MYO7B: variants seen among roughly 807,000 people sequenced by gnomAD.
The protein encoded by MYO7B is myosin VIIB.
Under a neutral mutation model 259.7 loss-of-function variants are expected in MYO7B, and 212 were observed. That is an observed-to-expected ratio of 0.82 (90% CI 0.73 to 0.91). The LOEUF (loss-of-function observed/expected upper bound fraction) is 0.91. MYO7B is among the 40% of genes least tolerant of loss of function. The pLI is 0.00. For synonymous variants in MYO7B, 1,197 were observed against 1,166.4 expected, an observed-to-expected ratio of 1.03 and a Z score of -0.54; for missense variants, 2,732 against 2,813.5, an observed-to-expected ratio of 0.97 and a Z score of 0.66.
In MYO7B at chr2:127,571,442, G is replaced by GTTTTTTTTTTGTTTTTTTTTTTTTTTTT. The variant is rs1553448471; in HGVS notation, c.592+1542_592+1543insGTTTTTTTTTTTTTTTTTTTTTTTTTTT. ...AATTGGTCTATTTCCTTACCAGTGA[G>GTTTTTTTTTTGTTTTTTTTTTTTTTTTT]TTTTTTTTTTTTTTTTTGCTTGTTT... is the stretch of plus-strand genomic sequence containing the variant. On this transcript the variant is annotated intron_variant, in intron 6 of 47. Coordinates refer to ENST00000409816, the MANE Select transcript of MYO7B (RefSeq NM_001393586.1). Among the ~76,000 whole-genome samples, 32 of 41,944 alleles carry GTTTTTTTTTTGTTTTTTTTTTTTTTTTT rather than the reference G, an allele frequency of 7.6e-4. 2 individuals are homozygous for GTTTTTTTTTTGTTTTTTTTTTTTTTTTT. Among genetic ancestry groups the GTTTTTTTTTTGTTTTTTTTTTTTTTTTT allele is most frequent in the Non-Finnish European group, 9.1e-4 (20 of 21,886 alleles). 27.5% of individuals were successfully genotyped at this position (41,944 alleles called of 152,430 possible).
intron 24 of MYO7B, among the ~76,000 whole-genome samples, chr2:127,610,453 T>A (rs543827881): frequency 6.6e-6 from 1 of 152,336 alleles, no homozygotes; most frequent in Non-Finnish European, 1.5e-5. Flanking sequence ...TGAAATGACC[T>A]GCCCCCAGTT....
At chr2:127,538,577 T>C (rs1692881827) in intron 1 of MYO7B, among the ~76,000 whole-genome samples, 1 of 151,962 alleles carries the variant, frequency 6.6e-6, no homozygotes, top group Non-Finnish European at 1.5e-5. Flanking sequence ...TTTCTTTTTT[T>C]TTTTTTGAGA....
chr2:127,625,247 G>C (rs1054570263), intron 30 of MYO7B, 121 bp from the exon 31 acceptor site: 2 of 1,206,248 alleles, frequency 1.7e-6, no homozygotes, highest in East Asian at 2.8e-5. Context: ...GGTCCTGCCC[G>C]AGCCACAGGT....
intron 38 of MYO7B, 52 bp from the exon 39 acceptor site, chr2:127,632,194 T>G: frequency 6.4e-7 from 1 of 1,570,412 alleles, no homozygotes; most frequent in Non-Finnish European, 8.6e-7. Context: ...GGTGCCTGCC[T>G]GGCCAGGGCC....
Position 127,636,253 on chromosome 2 carries a change from G to A in MYO7B, c.6052G>A (p.Glu2018Lys). 1 of 1,613,644 alleles carries A rather than the reference G, an allele frequency of 6.2e-7. No homozygotes were observed. Among genetic ancestry groups the A allele is most frequent in the Non-Finnish European group, 8.5e-7 (1 of 1,179,824 alleles). ...YDKHKDKTVEEAKVAFLKWIC... is the reference protein window; with the variant it reads ...YDKHKDKTVEKAKVAFLKWIC... ...CAAGCATAAGGACAAGACAGTGGAGGAGGCCAAGGTGGCCTTCCTGAAGTG... is the reference window on the plus strand; with the variant it reads ...CAAGCATAAGGACAAGACAGTGGAGAAGGCCAAGGTGGCCTTCCTGAAGTG... Residue 2018 changes from glutamate (E) to lysine (K), a missense_variant, in exon 45 of 48, where the codon GAG (glutamate) becomes AAG (lysine). Glu to Lys is a moderately conservative substitution (Grantham distance 56, BLOSUM62 1). Coordinates refer to ENST00000409816, the MANE Select transcript of MYO7B (RefSeq NM_001393586.1). This position sits in a 1 kb window ranked among gnomAD's most constrained non-coding sequence, Gnocchi z 4.5.
In MYO7B at chr2:127,584,744, G is replaced by C. The variant is rs771180428; in HGVS notation, c.1555-34G>C. 9.9e-6 allele frequency: 16 copies of C among 1,611,566 alleles called. 1 individual carries two copies. The South Asian group carries it at 1.8e-4, about 18-fold the overall frequency. On this transcript the variant is annotated intron_variant, in intron 13 of 47. Transcript: ENST00000409816. This position sits in a 1 kb window ranked among gnomAD's most constrained non-coding sequence, Gnocchi z 5.8. ...TCACCTCCCCATGGCTGGACTCTGG[G>C]ACCTCAGCCCACAGGGTGTCTGGGT... is the stretch of plus-strand genomic sequence containing the variant.
At chr2:127,601,977 C>T (rs1175617116) in intron 19 of MYO7B, among the ~76,000 whole-genome samples, 2 of 152,126 alleles carry the variant, frequency 1.3e-5, no homozygotes, top group Non-Finnish European at 2.9e-5. Flanking sequence ...TGTATTTAGG[C>T]CTTTTACATT....
rs371672192 is a variant in MYO7B, at chr2:127,559,803, C to T, written c.18+63C>T. On this transcript the variant is annotated intron_variant, in intron 2 of 47. Transcript: ENST00000409816. The surrounding 1 kb of genome is among the most constrained non-coding windows in gnomAD (Gnocchi z 4.1). Reference sequence around the variant, plus strand: ...TAAGTTACTCAAGGCCAAGTTGAATCGCTCCCAAGGAAAGAGAGGAAAGGC... The same window carrying T: ...TAAGTTACTCAAGGCCAAGTTGAATTGCTCCCAAGGAAAGAGAGGAAAGGC... 43 of 1,577,804 alleles carry T rather than the reference C, an allele frequency of 2.7e-5. No individual in the cohort carries two copies. Among genetic ancestry groups the T allele is most frequent in the Middle Eastern group, 1.7e-4 (1 of 6,012 alleles).
At chr2:127,558,666 CG>C (rs1255789608) in intron 1 of MYO7B, among the ~76,000 whole-genome samples, 4 of 151,962 alleles carry the variant, frequency 2.6e-5, no homozygotes, top group Non-Finnish European at 5.9e-5. Context: ...GAGATATAGA[CG>C]TATATATATG....
chr2:127,636,593 C>T lies in MYO7B; in HGVS notation c.6172C>T (p.Arg2058Ter), dbSNP rs201825323. The T allele has an allele frequency of 1.2e-5, 19 of 1,612,862 alleles. No individual in the cohort carries two copies. In the East Asian group the frequency reaches 3.8e-4, roughly 32 times the overall value. ...YPDVILIAINRHGVLLIHPKT... is the reference protein window; with the variant it reads ...YPDVILIAIN The stretch of plus-strand genomic sequence containing the variant: ...GGACGTCATCCTCATCGCCATCAAC[C>T]GACATGGGGTTCTGCTCATCCACCC... The change falls in exon 46 of 48, where the codon CGA (arginine) becomes TGA (stop). Residue 2058 changes from arginine (R) to a stop codon, truncating the protein, a stop_gained. Transcript: ENST00000409816. LOFTEE classifies it high-confidence loss of function. This position sits in a 1 kb window ranked among gnomAD's most constrained non-coding sequence, Gnocchi z 4.5.
chr2:127,582,929 A>G (rs1363500951), intron 12 of MYO7B, among the ~76,000 whole-genome samples: 1 of 152,240 alleles, frequency 6.6e-6, no homozygotes, highest in Non-Finnish European at 1.5e-5. Flanking sequence ...TGTAACCAGG[A>G]GGCAGGTCAG....
chr2:127,576,773 C>A lies in MYO7B; in HGVS notation c.849+65C>A. 8.3e-7 allele frequency: 1 copy of A among 1,199,560 alleles called. No homozygotes were observed. Among genetic ancestry groups the A allele is most frequent in the Non-Finnish European group, 1.2e-6 (1 of 837,094 alleles). 74.3% of individuals were successfully genotyped at this position (1,199,560 alleles called of 1,614,324 possible). A position where few individuals can be genotyped will look rare whatever the true frequency, so the allele number is the denominator to read the frequency against. ...GGGAGGAAAAAGAGCTTGTGCCGCT[C>A]CACCCTCCGCGACAGCTGCAGAGAA... On this transcript the variant is annotated intron_variant, in intron 8 of 47. Coordinates refer to ENST00000409816, the MANE Select transcript of MYO7B (RefSeq NM_001393586.1). The surrounding 1 kb of genome is among the most constrained non-coding windows in gnomAD (Gnocchi z 4.9).
chr2:127,570,045 A>G (rs1678529867), intron 6 of MYO7B, 135 bp downstream of exon 6: 2 of 1,132,048 alleles, frequency 1.8e-6, no homozygotes, highest in Non-Finnish European at 2.4e-6. Flanking sequence ...ACAAAACACA[A>G]GGGTGGGGTG....
intron 27 of MYO7B, among the ~76,000 whole-genome samples, chr2:127,621,722 A>C (rs1032869470): frequency 3.9e-5 from 6 of 152,274 alleles, no homozygotes; most frequent in Admixed American, 3.9e-4. Context: ...ACAATCAAAA[A>C]CCACACATCC....
chr2:127,634,901 G>A, intron 42 of MYO7B: 3 of 637,088 alleles, frequency 4.7e-6, no homozygotes, highest in Admixed American at 5.1e-5. Flanking sequence ...CCAGGGCTGA[G>A]GGGCATGACC....
intron 1 of MYO7B, among the ~76,000 whole-genome samples, 172 bp downstream of exon 1, chr2:127,536,003 C>G (rs1331064324): frequency 6.6e-6 from 1 of 152,060 alleles, no homozygotes; most frequent in African/African-American, 2.4e-5. Flanking sequence ...GCAGGGGACT[C>G]AGTCCATCGG....
intron 6 of MYO7B, among the ~76,000 whole-genome samples, chr2:127,570,987 G>C (rs142300759): frequency 6.6e-6 from 1 of 152,248 alleles, no homozygotes; most frequent in African/African-American, 2.4e-5. Flanking sequence ...TTCTCCACCC[G>C]TTCAGGACAT....
chr2:127,620,155 G>T (rs562198260), intron 26 of MYO7B, 185 bp from the exon 27 acceptor site: 64 of 582,286 alleles, frequency 1.1e-4, no homozygotes, highest in Admixed American at 4.9e-4. Flanking sequence ...GAGGAATCGA[G>T]TAGGGATGCA....
Position 127,577,149 on chromosome 2 carries a change from G to A in MYO7B, c.849+441G>A, listed in dbSNP as rs1016324064. 6.6e-5 allele frequency among the ~76,000 whole-genome samples: 10 copies of A among 152,132 alleles called. No individual in the cohort carries two copies. Among genetic ancestry groups the A allele is most frequent in the African/African-American group, 1.9e-4 (8 of 41,404 alleles). On this transcript the variant is annotated intron_variant, in intron 8 of 47. Coordinates refer to ENST00000409816, the MANE Select transcript of MYO7B (RefSeq NM_001393586.1). The surrounding 1 kb of genome is among the most constrained non-coding windows in gnomAD (Gnocchi z 5.2). ...CTGCACCCGCCACCTAGGACAGGGC[G>A]GCACCACAGCCATCGCTCATTAGCT...
Sources: allele counts gnomAD v4.1 joint callset (sites outside exome capture counted in the v4.1 genomes callset), GRCh38; gene constraint gnomAD v4.1.1; non-coding constraint Gnocchi (gnomAD v3.1); transcripts MANE v1.5; gene names NCBI Gene and HGNC (gene_info 2026-07-23, HGNC 2026-07-21).